The following DLGAP5 variants were observed in gnomAD, a reference collection of about 807,000 sequenced individuals.
DLGAP5 encodes the protein disks large-associated protein 5.
Under a neutral mutation model 99.6 loss-of-function variants are expected in DLGAP5, and 90 were observed. The ratio of observed to expected loss-of-function variants is 0.90; its 90% CI spans 0.76 to 1.08. The LOEUF is 1.08. Ranked by LOEUF, DLGAP5 falls within the 50% of genes least tolerant of loss-of-function variation. DLGAP5 has a pLI of 0.00. For synonymous variants in DLGAP5, 311 were observed against 321.3 expected, an observed-to-expected ratio of 0.97 and a Z score of 0.34; for missense variants, 1,036 against 983.5, an observed-to-expected ratio of 1.05 and a Z score of -0.71.
At chr14:55,151,539 C>A (rs1352963370) in intron 17 of DLGAP5, among the ~76,000 whole-genome samples, 156 bp downstream of exon 17, 1 of 149,922 alleles carries the variant, frequency 6.7e-6, no homozygotes, top group Non-Finnish European at 1.5e-5. Flanking sequence ...AAAAAAAAAT[C>A]TTGAGGGAAT....
chr14:55,181,173 G>A, intron 5 of DLGAP5, 40 bp downstream of exon 5: 1 of 1,566,114 alleles, frequency 6.4e-7, no homozygotes, highest in Non-Finnish European at 8.7e-7. Flanking sequence ...TATGGCTGTG[G>A]TAGCCTCAGA....
chr14:55,175,402 T>C lies in DLGAP5; in HGVS notation c.1245A>G (p.Ser415=), dbSNP rs370084363. 6.2e-7 allele frequency: 1 copy of C among 1,600,492 alleles called. No individual in the cohort carries two copies. The highest frequency in any genetic ancestry group is 8.5e-7 in the Non-Finnish European group (1 of 1,170,954). The change falls in exon 10 of 19, where the codon TCA becomes TCG. Residue 415 remains serine (S), a synonymous_variant. Transcript: ENST00000247191. The part of the protein sequence containing the change: ...LNGLPIKEVP[S]LERNEGRIAQ... Reference sequence around the variant, plus strand: ...CAATTCGACCTTCATTTCTTTCAAGTGATGGGACTTCTTTTATTGGAAGGC... The same window carrying C: ...CAATTCGACCTTCATTTCTTTCAAGCGATGGGACTTCTTTTATTGGAAGGC...
At chr14:55,185,966 T>C (rs1193675134) in intron 2 of DLGAP5, among the ~76,000 whole-genome samples, 1 of 152,232 alleles carries the variant, frequency 6.6e-6, no homozygotes, top group Non-Finnish European at 1.5e-5. Flanking sequence ...TAGTATATAC[T>C]TCTAAAAAAT....
chr14:55,179,547 T>C, intron 7 of DLGAP5, 82 bp downstream of exon 7: 1 of 1,211,558 alleles, frequency 8.3e-7, no homozygotes, highest in East Asian at 2.4e-5. Context: ...TTGAAGCAGT[T>C]CTTTATGTTT....
At chr14:55,156,166 A>G (rs1882211743) in intron 14 of DLGAP5, among the ~76,000 whole-genome samples, 1 of 152,178 alleles carries the variant, frequency 6.6e-6, no homozygotes, top group African/African-American at 2.4e-5. Context: ...TGGTGGCTCC[A>G]AGTATCTCTG....
At chr14:55,166,881 A>G (rs1295171388) in intron 12 of DLGAP5, among the ~76,000 whole-genome samples, 1 of 120,502 alleles carries the variant, frequency 8.3e-6, no homozygotes, top group African/African-American at 3.2e-5. Flanking sequence ...TTTGTGTTTA[A>G]AAAAAAAAAA....
intron 2 of DLGAP5, 60 bp downstream of exon 2, chr14:55,188,882 A>AT: frequency 2.9e-6 from 4 of 1,363,866 alleles, no homozygotes; most frequent in Non-Finnish European, 4.1e-6. Context: ...TCACACAGGC[A>AT]TTAAACCAAC....
intron 2 of DLGAP5, among the ~76,000 whole-genome samples, chr14:55,188,440 C>A (rs76686699): frequency 0.027 from 4,044 of 152,278 alleles, 172 homozygotes; most frequent in African/African-American, 0.093. Flanking sequence ...ACTCTCATTT[C>A]ATGGATTCTT....
intron 7 of DLGAP5, among the ~76,000 whole-genome samples, chr14:55,178,892 C>T (rs1883177098): frequency 6.6e-6 from 1 of 151,948 alleles, no homozygotes; most frequent in African/African-American, 2.4e-5. Flanking sequence ...ACTAAAAATA[C>T]AAAAATCAGA....
intron 9 of DLGAP5, among the ~76,000 whole-genome samples, 173 bp from the exon 10 acceptor site, chr14:55,175,645 T>G (rs138529189): frequency 6.6e-6 from 1 of 152,300 alleles, no homozygotes; most frequent in African/African-American, 2.4e-5. Context: ...TTCTTTAAAT[T>G]TACATTTATT....
At chr14:55,181,804 TATC>T (rs1304927027) in intron 4 of DLGAP5, among the ~76,000 whole-genome samples, 6 of 152,194 alleles carry the variant, frequency 3.9e-5, no homozygotes, top group Non-Finnish European at 7.3e-5. Context: ...CCATAATACT[TATC>T]ATCTTCTGGC....
intron 14 of DLGAP5, among the ~76,000 whole-genome samples, chr14:55,155,196 TG>T (rs533515696): frequency 2.0e-5 from 3 of 150,680 alleles, no homozygotes; most frequent in Non-Finnish European, 3.0e-5. Flanking sequence ...GGCTAATTTT[TG>T]TATTTTTAGT....
At chr14:55,179,219 A>G (rs930571725) in intron 7 of DLGAP5, among the ~76,000 whole-genome samples, 18 of 151,880 alleles carry the variant, frequency 1.2e-4, no homozygotes, top group Non-Finnish European at 1.5e-4. Flanking sequence ...CATGTTAGGA[A>G]TAAGAAAAGA....
chr14:55,187,019 C>T (rs1018867877), intron 2 of DLGAP5, among the ~76,000 whole-genome samples: 1 of 151,984 alleles, frequency 6.6e-6, no homozygotes, highest in Non-Finnish European at 1.5e-5. Flanking sequence ...GGTGATTCTC[C>T]TGCCTCAGCC....
chr14:55,182,300 TA>T (rs1883304886), intron 4 of DLGAP5, 69 bp downstream of exon 4: 1 of 1,291,196 alleles, frequency 7.7e-7, no homozygotes, highest in Admixed American at 2.0e-5. Context: ...ATACTAGATT[TA>T]AAATGAATTT....
chr14:55,162,951 T>C lies in DLGAP5; in HGVS notation c.1653+20A>G, dbSNP rs867619439. On this transcript the variant is annotated intron_variant, in intron 13 of 18. Transcript: ENST00000247191. ...CTTAACTAAAAAAAAAAAAATTGGA[T>C]ATAAAACCCACAAACTTACCCTAAA... 3 of 1,419,786 alleles carry C rather than the reference T, an allele frequency of 2.1e-6. No individual in the cohort carries two copies. Among genetic ancestry groups the C allele is most frequent in the Middle Eastern group, 1.8e-4 (1 of 5,478 alleles). 87.9% of individuals were successfully genotyped at this position (1,419,786 alleles called of 1,614,324 possible).
chr14:55,158,780 C>T lies in DLGAP5; in HGVS notation c.1654-39G>A. 2.7e-6 allele frequency: 4 copies of T among 1,461,522 alleles called. 1 individual carries two copies. The South Asian group carries it at 4.8e-5, about 18-fold the overall frequency. 90.5% of individuals were successfully genotyped at this position (1,461,522 alleles called of 1,614,324 possible). A position where few individuals can be genotyped will look rare whatever the true frequency, so the allele number is the denominator to read the frequency against. ...CTAACATAGTAAAGCTGCCCATTACCATCTTACAAGAAAAACACACAACAA... is the reference window on the plus strand; with the variant it reads ...CTAACATAGTAAAGCTGCCCATTACTATCTTACAAGAAAAACACACAACAA... On this transcript the variant is annotated intron_variant, in intron 13 of 18. Transcript: ENST00000247191.
intron 10 of DLGAP5, among the ~76,000 whole-genome samples, chr14:55,173,867 G>T (rs1882959200): frequency 6.6e-6 from 1 of 151,980 alleles, no homozygotes; most frequent in Non-Finnish European, 1.5e-5. Flanking sequence ...TCTTAATCCT[G>T]TCAGCTGAGG....
intron 10 of DLGAP5, among the ~76,000 whole-genome samples, chr14:55,172,952 G>A (rs1384130768): frequency 1.3e-4 from 19 of 142,026 alleles, no homozygotes; most frequent in East Asian, 4.1e-4. Flanking sequence ...ATTGCACTCC[G>A]GCCTGGGCAA....
Sources: allele counts gnomAD v4.1 joint callset (sites outside exome capture counted in the v4.1 genomes callset), GRCh38; gene constraint gnomAD v4.1.1; transcripts MANE v1.5; gene names NCBI Gene and HGNC (gene_info 2026-07-23, HGNC 2026-07-21).